The following SLMAP variants were observed in gnomAD, a reference collection of about 807,000 sequenced individuals.
SLMAP encodes sarcolemmal membrane-associated protein.
In SLMAP, 44 loss-of-function variants were observed where a neutral mutation model predicts 128.8. The ratio of observed to expected loss-of-function variants is 0.34; its 90% CI spans 0.27 to 0.44. The LOEUF (loss-of-function observed/expected upper bound fraction) is 0.44. SLMAP is among the 20% of genes least tolerant of loss of function. SLMAP has a pLI of 1.00. For synonymous variants in SLMAP, 327 were observed against 348.8 expected, an observed-to-expected ratio of 0.94 and a Z score of 0.70; for missense variants, 787 against 985.3, an observed-to-expected ratio of 0.80 and a Z score of 2.69.
At chr3:57,845,266 C>G (rs1248787783) in intron 4 of SLMAP, among the ~76,000 whole-genome samples, 1 of 152,000 alleles carries the variant, frequency 6.6e-6, no homozygotes, top group Non-Finnish European at 1.5e-5. Flanking sequence ...GGTCATAGTT[C>G]CTGAGAACAC....
chr3:57,883,816 G>A (rs2095808009), intron 14 of SLMAP, among the ~76,000 whole-genome samples: 2 of 152,052 alleles, frequency 1.3e-5, no homozygotes, highest in Admixed American at 6.6e-5. Flanking sequence ...TGTGGCTAAG[G>A]GGCACTTAAT....
intron 14 of SLMAP, among the ~76,000 whole-genome samples, chr3:57,877,580 G>A (rs1031647977): frequency 2.6e-5 from 4 of 152,050 alleles, no homozygotes; most frequent in African/African-American, 4.8e-5. Context: ...TATTCTCAGA[G>A]TGGTTTATTC....
At chr3:57,807,155 A>T (rs1470009442) in intron 2 of SLMAP, among the ~76,000 whole-genome samples, 13 of 152,198 alleles carry the variant, frequency 8.5e-5, no homozygotes, top group Non-Finnish European at 1.6e-4. Context: ...TTGGCCGCGT[A>T]AATGTCTTCT....
chr3:57,803,285 C>T (rs991158025), intron 2 of SLMAP, among the ~76,000 whole-genome samples: 1 of 152,004 alleles, frequency 6.6e-6, no homozygotes, highest in African/African-American at 2.4e-5. Flanking sequence ...GATAAATAGG[C>T]CAAGGAGTTA....
intron 4 of SLMAP, among the ~76,000 whole-genome samples, chr3:57,842,160 GCATT>G (rs1322281111): frequency 6.6e-6 from 1 of 152,114 alleles, no homozygotes; most frequent in Non-Finnish European, 1.5e-5. Context: ...GAAAAGTAGA[GCATT>G]GAATAGGAAA....
chr3:57,919,107 G>T (rs570386598), intron 22 of SLMAP, among the ~76,000 whole-genome samples: 1 of 152,166 alleles, frequency 6.6e-6, no homozygotes, highest in Non-Finnish European at 1.5e-5. Context: ...TTGGCTGGGC[G>T]CCGTGGCTCA....
intron 4 of SLMAP, 78 bp from the exon 5 acceptor site, chr3:57,847,119 A>G: frequency 1.2e-6 from 1 of 859,664 alleles, no homozygotes; most frequent in Non-Finnish European, 1.9e-6. Context: ...TTTGTGGTGT[A>G]AGATATTCTG....
At chr3:57,890,690 C>G (rs1410549988) in intron 15 of SLMAP, 2 of 152,160 alleles carry the variant, frequency 1.3e-5, no homozygotes, top group African/African-American at 4.8e-5. Context: ...AGTTTTAAAG[C>G]ACCATATTGT....
intron 6 of SLMAP, among the ~76,000 whole-genome samples, chr3:57,853,880 G>A (rs2094597763): frequency 6.9e-6 from 1 of 144,906 alleles, no homozygotes; most frequent in Admixed American, 7.0e-5. Context: ...GGCGGAGGCT[G>A]CGGTGAGCCG....
chr3:57,781,053 AAAT>A (rs2082952660), intron 2 of SLMAP, among the ~76,000 whole-genome samples: 1 of 151,752 alleles, frequency 6.6e-6, no homozygotes, highest in African/African-American at 2.4e-5. Context: ...CATATATATA[AAAT>A]AATAAGATAC....
chr3:57,862,976 G>C (rs1347287319), intron 10 of SLMAP, among the ~76,000 whole-genome samples: 1 of 152,108 alleles, frequency 6.6e-6, no homozygotes. Flanking sequence ...CTTCACAATA[G>C]ACATTTCTAA....
At chr3:57,788,177 TATAGG>T (rs1199625599) in intron 2 of SLMAP, among the ~76,000 whole-genome samples, 1 of 152,174 alleles carries the variant, frequency 6.6e-6, no homozygotes, top group Admixed American at 6.5e-5. Flanking sequence ...TTGTGAATCA[TATAGG>T]AGAGAGGACA....
At chr3:57,820,289 G>A (rs982637113) in intron 2 of SLMAP, among the ~76,000 whole-genome samples, 2 of 151,978 alleles carry the variant, frequency 1.3e-5, no homozygotes, top group Non-Finnish European at 2.9e-5. Flanking sequence ...TATCCTTTGA[G>A]GTAATTAGAG....
intron 23 of SLMAP, 57 bp downstream of exon 23, chr3:57,923,080 T>C (rs941482788): frequency 2.9e-5 from 45 of 1,545,120 alleles, no homozygotes; most frequent in Non-Finnish European, 3.8e-5. Context: ...GAGATTGAAA[T>C]TGATTTTCAG....
At chr3:57,869,630 T>TTTTATATA (rs1451155377) in intron 13 of SLMAP, among the ~76,000 whole-genome samples, 6 of 75,474 alleles carry the variant, frequency 7.9e-5, no homozygotes, top group Admixed American at 1.8e-4. Context: ...CCCATCTCTA[T>TTTTATATA]TATATATATA....
At chr3:57,893,695 C>T (rs1484263151) in intron 15 of SLMAP, among the ~76,000 whole-genome samples, 1 of 152,010 alleles carries the variant, frequency 6.6e-6, no homozygotes, top group African/African-American at 2.4e-5. Context: ...CCTTTTTGTT[C>T]TTCCAGAGTG....
intron 2 of SLMAP, among the ~76,000 whole-genome samples, chr3:57,775,589 T>A (rs1022722498): frequency 6.8e-6 from 1 of 147,546 alleles, no homozygotes; most frequent in Non-Finnish European, 1.5e-5. Context: ...TGAGGGAGGC[T>A]GAGTGCAGAA....
intron 24 of SLMAP, chr3:57,926,204 T>C: frequency 2.4e-6 from 1 of 417,464 alleles, no homozygotes; most frequent in Admixed American, 4.3e-5. Context: ...TGAGTCTTTA[T>C]CTCTAGCAAA....
At chr3:57,856,390 A>G (rs983781386) in intron 6 of SLMAP, among the ~76,000 whole-genome samples, 3 of 152,296 alleles carry the variant, frequency 2.0e-5, no homozygotes, top group Admixed American at 6.5e-5. Flanking sequence ...TATTGTTTCT[A>G]TTCTTAATTT....
Sources: gnomAD v4.1 joint callset for allele counts (sites outside exome capture counted in the v4.1 genomes callset) on GRCh38, gnomAD v4.1.1 for gene constraint, MANE v1.5 for transcripts, NCBI Gene and HGNC (gene_info 2026-07-23, HGNC 2026-07-21) for gene names.